CRACD: variants seen among roughly 807,000 people sequenced by gnomAD.
CRACD encodes the protein capping protein inhibiting regulator of actin dynamics.
Under a neutral mutation model 106.8 loss-of-function variants are expected in CRACD, and 56 were observed. The observed-to-expected ratio is 0.52, with a 90% CI of 0.42 to 0.66. The LOEUF is 0.66. CRACD is among the 30% of genes least tolerant of loss of function. The pLI, the probability that CRACD is intolerant of heterozygous loss-of-function variation, is 0.00. For missense variants in CRACD, 1,730 were observed against 1,623.2 expected, an observed-to-expected ratio of 1.07 and a Z score of -1.13; for synonymous variants, 754 against 670.8, an observed-to-expected ratio of 1.12 and a Z score of -1.92.
chr4:56,256,759 C>G (rs1485969192), intron 2 of CRACD, among the ~76,000 whole-genome samples: 1 of 152,218 alleles, frequency 6.6e-6, no homozygotes, highest in African/African-American at 2.4e-5. Context: ...TCTCTCAGCC[C>G]ATATCTGTGG....
chr4:56,232,532 G>A (rs1308293031), intron 2 of CRACD, among the ~76,000 whole-genome samples: 2 of 152,066 alleles, frequency 1.3e-5, no homozygotes, highest in Non-Finnish European at 2.9e-5. Context: ...TAAGGTAGAT[G>A]TATGCTTAAC....
At chr4:56,183,596 T>C (rs1736950039) in intron 2 of CRACD, among the ~76,000 whole-genome samples, 1 of 152,198 alleles carries the variant, frequency 6.6e-6, no homozygotes, top group South Asian at 2.1e-4. Flanking sequence ...AATGTCTAAA[T>C]CCTGGTCAAG....
At chr4:56,113,102 C>G (rs1734172764) in intron 1 of CRACD, among the ~76,000 whole-genome samples, 1 of 145,114 alleles carries the variant, frequency 6.9e-6, no homozygotes. Context: ...GGACTTTGCT[C>G]TAATAGCTTG....
At chr4:56,068,071 AT>A (rs1732521516) in intron 1 of CRACD, among the ~76,000 whole-genome samples, 1 of 152,182 alleles carries the variant, frequency 6.6e-6, no homozygotes. Context: ...ATTTCAGGTC[AT>A]GGCCCAGAGT....
chr4:56,105,209 T>C (rs1560452129), intron 1 of CRACD, among the ~76,000 whole-genome samples: 1 of 152,048 alleles, frequency 6.6e-6, no homozygotes, highest in East Asian at 1.9e-4. Context: ...AATGAAATAA[T>C]GTTTGCTGGC....
chr4:56,317,257 CGCCAGAGGCA>C (rs1333311638), intron 8 of CRACD, among the ~76,000 whole-genome samples: 2 of 152,186 alleles, frequency 1.3e-5, no homozygotes, highest in Non-Finnish European at 2.9e-5. Context: ...AAGTGCCCAA[CGCCAGAGGCA>C]GCCAGTGGAG....
At chr4:56,130,241 G>T (rs13144555) in intron 1 of CRACD, among the ~76,000 whole-genome samples, 43,031 of 151,934 alleles carry the variant, frequency 0.28, 6,108 homozygotes, top group Middle Eastern at 0.36. Flanking sequence ...TTCAGCCTGG[G>T]TGACAGAGCA....
chr4:56,315,352 C>A lies in CRACD; in HGVS notation c.1850C>A (p.Ala617Glu). The A allele has an allele frequency of 6.2e-7, 1 of 1,613,746 alleles. No homozygotes were observed. The highest frequency in any genetic ancestry group is 8.5e-7 in the Non-Finnish European group (1 of 1,179,936). ...AACCTGAGCCAGATCAAGGACACCG[C>A]GTGCAAGTCCCTCCTGGGCTTGGAG... ...AVNLSQIKDT[A>E]CKSLLGLEEK... The change falls in exon 8 of 11, where the codon GCG (alanine) becomes GAG (glutamate). Residue 617 changes from alanine to glutamate, a missense_variant. Physicochemically the swap from Ala to Glu is moderately radical, Grantham distance 107. Transcript: ENST00000682029. The surrounding 1 kb of genome is among the most constrained non-coding windows in gnomAD (Gnocchi z 4.1).
chr4:56,262,090 G>A (rs777464), intron 2 of CRACD, among the ~76,000 whole-genome samples: 37,459 of 152,012 alleles, frequency 0.25, 4,742 homozygotes, highest in Non-Finnish European at 0.27. Context: ...CACGTCAGAT[G>A]GTTAAGAAAT....
chr4:56,125,458 G>A (rs1194503241), intron 1 of CRACD, among the ~76,000 whole-genome samples: 3 of 151,946 alleles, frequency 2.0e-5, no homozygotes, highest in East Asian at 3.9e-4. Context: ...CACCCAGGCT[G>A]CAATGGTGCA....
At chr4:56,080,077 T>A (rs1374298126) in intron 1 of CRACD, among the ~76,000 whole-genome samples, 2 of 152,214 alleles carry the variant, frequency 1.3e-5, no homozygotes, top group African/African-American at 4.8e-5. Context: ...GTGTCATTGC[T>A]TATGTCCATA....
intron 1 of CRACD, among the ~76,000 whole-genome samples, chr4:56,061,120 G>A (rs1308945488): frequency 6.6e-6 from 1 of 152,146 alleles, no homozygotes; most frequent in Non-Finnish European, 1.5e-5. Context: ...AAGAGACCTG[G>A]CTCTAAGGCC....
intron 3 of CRACD, among the ~76,000 whole-genome samples, chr4:56,281,352 C>A (rs1417724135): frequency 1.3e-5 from 2 of 152,042 alleles, no homozygotes; most frequent in Non-Finnish European, 2.9e-5. Context: ...CTTCCCAGCC[C>A]CGTCCATGAA....
At chr4:56,105,237 G>T (rs1733911048) in intron 1 of CRACD, among the ~76,000 whole-genome samples, 1 of 152,156 alleles carries the variant, frequency 6.6e-6, no homozygotes, top group Admixed American at 6.6e-5. Context: ...AGTGGCTGAC[G>T]CTTGTAATCC....
intron 3 of CRACD, among the ~76,000 whole-genome samples, chr4:56,294,082 C>T (rs9312672): frequency 0.51 from 77,020 of 151,786 alleles, 20,237 homozygotes; most frequent in Middle Eastern, 0.68. Flanking sequence ...TAAAAGTAGC[C>T]AGGTATGCTG....
Position 56,199,064 on chromosome 4 carries a change from G to A in CRACD, c.-189+19634G>A, listed in dbSNP as rs533050807. Among the ~76,000 whole-genome samples, 4 of 152,222 alleles carry A rather than the reference G, an allele frequency of 2.6e-5. No homozygotes were observed. The South Asian group carries it at 8.3e-4, about 32-fold the overall frequency. On this transcript the variant is annotated intron_variant, in intron 2 of 10. Transcript: ENST00000682029. ...ATTTTGGGGGCAGTCAACCCTGACA[G>A]CTTGGTGCATATACAGTAGGCAAGC...
chr4:56,188,680 TCTCTCTCACA>T (rs1276646577), intron 2 of CRACD, among the ~76,000 whole-genome samples: 6 of 109,904 alleles, frequency 5.5e-5, no homozygotes, highest in African/African-American at 2.8e-4. Context: ...TCTCTCTCTC[TCTCTCTCACA>T]CACACACACA....
At chr4:56,293,243 C>G (rs148385089) in intron 3 of CRACD, among the ~76,000 whole-genome samples, 1 of 151,988 alleles carries the variant, frequency 6.6e-6, no homozygotes, top group African/African-American at 2.4e-5. Context: ...ATGGGAGGAT[C>G]AGAGAGAGAT....
intron 2 of CRACD, among the ~76,000 whole-genome samples, chr4:56,213,208 A>G (rs573928970): frequency 1.4e-4 from 21 of 152,202 alleles, no homozygotes; most frequent in Non-Finnish European, 3.1e-4. Flanking sequence ...GCACTTTGGG[A>G]GGCCGAGGCA....
Sources: gnomAD v4.1 joint callset for allele counts (sites outside exome capture counted in the v4.1 genomes callset) on GRCh38, gnomAD v4.1.1 for gene constraint, Gnocchi (gnomAD v3.1) non-coding constraint, MANE v1.5 for transcripts, NCBI Gene and HGNC (gene_info 2026-07-23, HGNC 2026-07-21) for gene names.